The following MED13L variants were observed in gnomAD, a reference collection of about 807,000 sequenced individuals.
The protein encoded by MED13L is mediator of RNA polymerase II transcription subunit 13-like.
A neutral mutation model predicts 220.9 loss-of-function variants in MED13L; 7 were observed. The ratio of observed to expected loss-of-function variants is 0.03; its 90% CI spans 0.02 to 0.06. The LOEUF (loss-of-function observed/expected upper bound fraction) is 0.06, where lower values mean the gene tolerates loss of function less well. MED13L is among the 10% of genes least tolerant of loss of function. The pLI, the probability that MED13L is intolerant of heterozygous loss-of-function variation, is 1.00. For missense variants in MED13L, 1,965 were observed against 2,760.5 expected, an observed-to-expected ratio of 0.71 and a Z score of 6.46; for synonymous variants, 1,011 against 1,015.2, an observed-to-expected ratio of 1.00 and a Z score of 0.08.
At chr12:116,223,566 T>C (rs1216923933) in intron 2 of MED13L, among the ~76,000 whole-genome samples, 1 of 152,054 alleles carries the variant, frequency 6.6e-6, no homozygotes, top group Non-Finnish European at 1.5e-5. Flanking sequence ...TAGCCGAGCA[T>C]GGTGGTACGT....
intron 2 of MED13L, among the ~76,000 whole-genome samples, chr12:116,144,383 G>A (rs921522970): frequency 2.0e-5 from 3 of 152,162 alleles, no homozygotes; most frequent in African/African-American, 7.2e-5. Context: ...ATAGTGAACT[G>A]AGATCCCATT....
At chr12:115,961,441 G>A (rs777612022) in intron 30 of MED13L, 43 bp from the exon 31 acceptor site, 63 of 1,610,920 alleles carry the variant, frequency 3.9e-5, no homozygotes, top group Non-Finnish European at 5.0e-5. Context: ...AGCCTCAAGA[G>A]GGAAGGCTGG....
At chr12:116,158,279 G>C (rs913362373) in intron 2 of MED13L, among the ~76,000 whole-genome samples, 1 of 152,164 alleles carries the variant, frequency 6.6e-6, no homozygotes, top group African/African-American at 2.4e-5. Context: ...GTGAAGGGAA[G>C]AGGGGATGGG....
chr12:116,191,040 A>T (rs7307095), intron 2 of MED13L, among the ~76,000 whole-genome samples: 25,795 of 150,766 alleles, frequency 0.17, 2,433 homozygotes, highest in Middle Eastern at 0.28. Flanking sequence ...TGCAGTGAGC[A>T]GAGGTTGCAC....
chr12:116,113,331 C>A (rs888046451), intron 2 of MED13L, among the ~76,000 whole-genome samples: 5 of 151,980 alleles, frequency 3.3e-5, no homozygotes, highest in African/African-American at 1.2e-4. Context: ...ATATTAAAAT[C>A]TCCAAATATA....
At chr12:116,129,190 T>C (rs946978962) in intron 2 of MED13L, among the ~76,000 whole-genome samples, 1 of 152,096 alleles carries the variant, frequency 6.6e-6, no homozygotes, top group South Asian at 2.1e-4. Context: ...CCCAGCACTT[T>C]GGGAGGCCGA....
chr12:116,252,920 T>C (rs928919991), intron 1 of MED13L, among the ~76,000 whole-genome samples: 1 of 152,088 alleles, frequency 6.6e-6, no homozygotes, highest in Non-Finnish European at 1.5e-5. Flanking sequence ...AAAATTCCTT[T>C]ACCAAATTAA....
chr12:116,228,109 T>G (rs982530259), intron 2 of MED13L, among the ~76,000 whole-genome samples: 1 of 151,840 alleles, frequency 6.6e-6, no homozygotes, highest in Non-Finnish European at 1.5e-5. Context: ...AGGCACAAAC[T>G]CTCTTCAATT....
intron 1 of MED13L, 23 bp downstream of exon 1, chr12:116,277,037 C>G: frequency 1.3e-6 from 2 of 1,564,312 alleles, no homozygotes; most frequent in Non-Finnish European, 1.7e-6. Flanking sequence ...GCACAGCCCC[C>G]TCCCCGCAGC....
At chr12:116,235,295 A>C (rs1869975700) in intron 2 of MED13L, among the ~76,000 whole-genome samples, 1 of 152,212 alleles carries the variant, frequency 6.6e-6, no homozygotes, top group African/African-American at 2.4e-5. Flanking sequence ...CAATGAAATT[A>C]TAATTATTCC....
At chr12:116,250,625 A>G (rs1301365692) in intron 1 of MED13L, among the ~76,000 whole-genome samples, 2 of 150,262 alleles carry the variant, frequency 1.3e-5, no homozygotes, top group African/African-American at 2.4e-5. Context: ...AAAAAAAAAA[A>G]AATTAGCCGG....
intron 3 of MED13L, among the ~76,000 whole-genome samples, chr12:116,110,506 G>T (rs1333862390): frequency 6.6e-6 from 1 of 152,054 alleles, no homozygotes; most frequent in African/African-American, 2.4e-5. Context: ...GGTAATAAAT[G>T]ATTTAAGCAA....
At chr12:116,170,951 G>C (rs1200461898) in intron 2 of MED13L, among the ~76,000 whole-genome samples, 1 of 152,222 alleles carries the variant, frequency 6.6e-6, no homozygotes, top group African/African-American at 2.4e-5. Context: ...CTAAGGTTTT[G>C]TCTTCTGAAG....
intron 13 of MED13L, among the ~76,000 whole-genome samples, chr12:116,004,288 T>C (rs962023161): frequency 6.6e-6 from 1 of 152,150 alleles, no homozygotes; most frequent in African/African-American, 2.4e-5. Context: ...CAGGCAGCAC[T>C]TGGCCTCCAG....
intron 4 of MED13L, among the ~76,000 whole-genome samples, chr12:116,075,018 G>A (rs1043870698): frequency 1.7e-4 from 26 of 152,328 alleles, no homozygotes; most frequent in African/African-American, 5.3e-4. Context: ...ACAGTGTCTG[G>A]TCTCCACAAA....
rs972386139 is a variant in MED13L at position 115,972,205 on chromosome 12, T to C, written c.5763A>G (p.Leu1921=). 6.2e-7 allele frequency: 1 copy of C among 1,613,956 alleles called. No homozygotes were observed. The highest frequency in any genetic ancestry group is 8.5e-7 in the Non-Finnish European group (1 of 1,179,902). Residue 1921 remains leucine (L), a synonymous_variant, in exon 26 of 31, where the codon CTA becomes CTG. Transcript: ENST00000281928. ...CCTTGAGCTTTTTGCTGATTGTCTG[T>C]AGTGAACATTCTCCAAGGAGGATAC... is the stretch of plus-strand genomic sequence containing the variant. The part of the protein sequence containing the change: ...DWSILLGECS[L]QTISKKLKDV...
intron 3 of MED13L, among the ~76,000 whole-genome samples, chr12:116,107,862 C>T (rs542617838): frequency 6.6e-6 from 1 of 152,236 alleles, no homozygotes; most frequent in South Asian, 2.1e-4. Flanking sequence ...GAGGCCAAGG[C>T]GGGTGGATCA....
chr12:115,981,923 A>G (rs1877357243), intron 22 of MED13L: 2 of 162,556 alleles, frequency 1.2e-5, no homozygotes, highest in Non-Finnish European at 2.7e-5. Context: ...TTTTTCTTTT[A>G]TACTTTCATG....
At chr12:116,113,488 T>TTATA (rs36006204) in intron 2 of MED13L, among the ~76,000 whole-genome samples, 11 of 145,408 alleles carry the variant, frequency 7.6e-5, no homozygotes, top group East Asian at 2.0e-4. Context: ...AAAAAAAAAA[T>TTATA]TATATATATA....
Sources: allele counts gnomAD v4.1 joint callset (sites outside exome capture counted in the v4.1 genomes callset), GRCh38; gene constraint gnomAD v4.1.1; transcripts MANE v1.5; gene names NCBI Gene and HGNC (gene_info 2026-07-23, HGNC 2026-07-21).